Variants in PAH observed in about 807,000 individuals in gnomAD.
The protein encoded by PAH is phenylalanine hydroxylase, also known as phenylalanine-4-hydroxylase.
A neutral mutation model predicts 62.0 loss-of-function variants in PAH; 64 were observed. The ratio of observed to expected loss-of-function variants is 1.03; its 90% CI spans 0.84 to 1.27. PAH has a LOEUF of 1.27. Ranked by LOEUF, PAH falls within the 50% of genes most tolerant of loss-of-function variation. PAH has a pLI of 0.00. For synonymous variants in PAH, 195 were observed against 196.2 expected (o/e 0.99, Z 0.05); for missense variants, 579 against 542.8 (o/e 1.07, Z -0.66).
chr12:102,948,519 C>A (rs1368044114), intron 1 of PAH, among the ~76,000 whole-genome samples: 9 of 152,100 alleles, frequency 5.9e-5, no homozygotes, highest in African/African-American at 1.9e-4. Flanking sequence ...CTTTTCTTCC[C>A]GCTGCAAGTT....
chr12:102,857,466 C>A (rs1255729041), intron 5 of PAH, among the ~76,000 whole-genome samples: 1 of 152,134 alleles, frequency 6.6e-6, no homozygotes, highest in Non-Finnish European at 1.5e-5. Flanking sequence ...TCAGGAAATA[C>A]AGAGAATGCC....
At chr12:102,916,468 A>G (rs1878386954) in intron 1 of PAH, 7 of 157,482 alleles carry the variant, frequency 4.4e-5, no homozygotes, top group Admixed American at 4.2e-4. Context: ...CTTGGGCATT[A>G]TTTCCAAGTC....
At chr12:102,841,692 G>T (rs1874602561) in intron 11 of PAH, among the ~76,000 whole-genome samples, 1 of 152,168 alleles carries the variant, frequency 6.6e-6, no homozygotes, top group Non-Finnish European at 1.5e-5. Flanking sequence ...AACCCAGCTG[G>T]TGGCATGAGC....
intron 1 of PAH, chr12:102,950,161 A>G (rs1032194080): frequency 3.3e-5 from 5 of 152,206 alleles, no homozygotes; most frequent in Non-Finnish European, 7.3e-5. Context: ...GCTGTTTCCT[A>G]AAGAGTCCAT....
At chr12:102,862,049 T>G (rs1405268753) in intron 5 of PAH, among the ~76,000 whole-genome samples, 1 of 151,514 alleles carries the variant, frequency 6.6e-6, no homozygotes, top group Non-Finnish European at 1.5e-5. Context: ...AATCCTATTA[T>G]GAGGTACATA....
chr12:102,953,740 C>T (rs1217126272), upstream of PAH: 1 of 152,222 alleles, frequency 6.6e-6, no homozygotes, highest in Non-Finnish European at 1.5e-5. Context: ...TCTTATCTTT[C>T]TGCAATGTCT....
At chr12:102,898,950 C>T (rs1877621145) in intron 2 of PAH, among the ~76,000 whole-genome samples, 1 of 152,132 alleles carries the variant, frequency 6.6e-6, no homozygotes, top group African/African-American at 2.4e-5. Flanking sequence ...CAACTGCAGA[C>T]AACACACCCC....
At chr12:102,911,913 C>A (rs1337840694) in intron 2 of PAH, among the ~76,000 whole-genome samples, 1 of 152,204 alleles carries the variant, frequency 6.6e-6, no homozygotes, top group Non-Finnish European at 1.5e-5. Flanking sequence ...AATGTATTTT[C>A]AGGTGGGACA....
chr12:102,917,711 G>A (rs189401263), upstream of PAH: 2 of 161,360 alleles, frequency 1.2e-5, no homozygotes, highest in East Asian at 3.5e-4. Flanking sequence ...TACAGCTAGA[G>A]GGCACGTGAA....
At chr12:102,907,910 G>A (rs565203064) in intron 2 of PAH, among the ~76,000 whole-genome samples, 1 of 152,072 alleles carries the variant, frequency 6.6e-6, no homozygotes, top group African/African-American at 2.4e-5. Flanking sequence ...GAGCCACCAT[G>A]CCCAGCCTTA....
intron 1 of PAH, among the ~76,000 whole-genome samples, chr12:102,928,943 A>G (rs1878765042): frequency 6.6e-6 from 1 of 152,190 alleles, no homozygotes; most frequent in Non-Finnish European, 1.5e-5. Context: ...GGAGATTTAT[A>G]TGGTTTGGCT....
chr12:102,936,633 T>C (rs1017335376), intron 1 of PAH, among the ~76,000 whole-genome samples: 2 of 152,250 alleles, frequency 1.3e-5, no homozygotes, highest in African/African-American at 4.8e-5. Context: ...CATTATATAA[T>C]GATCTTCTTT....
intron 2 of PAH, among the ~76,000 whole-genome samples, chr12:102,906,591 T>C (rs1408194145): frequency 3.9e-5 from 6 of 152,222 alleles, no homozygotes; most frequent in Admixed American, 3.3e-4. Context: ...TCACAAAATA[T>C]ATATATAGTA....
Position 102,912,783 on chromosome 12 carries a change from G to C in PAH, c.168+8C>G. On this transcript the variant is annotated splice_region_variant and intron_variant, in intron 2 of 12. Coordinates refer to ENST00000553106, the MANE Select transcript of PAH (RefSeq NM_000277.3). The stretch of plus-strand genomic sequence containing the variant: ...ATTATCCAAGACAAACATGATTGTA[G>C]CACTGACCTCAAATAAGCGCAATAC... 1 of 1,571,778 alleles carries C rather than the reference G, an allele frequency of 6.4e-7. No individual in the cohort carries two copies. The highest frequency in any genetic ancestry group is 8.8e-7 in the Non-Finnish European group (1 of 1,141,442).
At chr12:102,882,677 A>ATATAT (rs1461425878) in intron 3 of PAH, among the ~76,000 whole-genome samples, 2,172 of 45,276 alleles carry the variant, frequency 0.048, 19 homozygotes, top group African/African-American at 0.058. Context: ...TATATATATA[A>ATATAT]AATTTTTTTC....
intron 1 of PAH, among the ~76,000 whole-genome samples, chr12:102,941,004 T>C (rs188077937): frequency 6.6e-6 from 1 of 152,092 alleles, no homozygotes; most frequent in Non-Finnish European, 1.5e-5. Flanking sequence ...CCAGAAGAGA[T>C]TGGGGATCTA....
intron 8 of PAH, among the ~76,000 whole-genome samples, chr12:102,850,019 G>A (rs1875077626): frequency 6.6e-6 from 1 of 152,224 alleles, no homozygotes; most frequent in Non-Finnish European, 1.5e-5. Flanking sequence ...AATGGCTTAA[G>A]GAGGACTGCC....
intron 3 of PAH, among the ~76,000 whole-genome samples, chr12:102,880,522 T>G (rs1170725372): frequency 1.3e-5 from 2 of 152,160 alleles, no homozygotes; most frequent in Admixed American, 6.5e-5. Flanking sequence ...CATCTCTCTT[T>G]TGCCTGGGAA....
chr12:102,884,173 A>C (rs1019839426), intron 3 of PAH, among the ~76,000 whole-genome samples: 1 of 152,156 alleles, frequency 6.6e-6, no homozygotes, highest in Non-Finnish European at 1.5e-5. Flanking sequence ...TAGGATGAGG[A>C]CCCAGGTCAG....
Sources: allele counts gnomAD v4.1 joint callset (sites outside exome capture counted in the v4.1 genomes callset), GRCh38; gene constraint gnomAD v4.1.1; transcripts MANE v1.5; gene names NCBI Gene and HGNC (gene_info 2026-07-23, HGNC 2026-07-21).